Variants in ACLY observed in about 807,000 individuals in gnomAD.
ACLY encodes the protein ATP-citrate synthase.
ACLY carries 41 observed loss-of-function variants against 133.0 expected under a neutral mutation model. That is an observed-to-expected ratio of 0.31 (90% CI 0.24 to 0.40). The LOEUF (loss-of-function observed/expected upper bound fraction) is 0.40. Ranked by LOEUF, ACLY falls within the 10% of genes least tolerant of loss-of-function variation. ACLY has a pLI of 1.00. For synonymous variants in ACLY, 495 were observed against 549.3 expected (o/e 0.90, Z 1.38); for missense variants, 1,046 against 1,453.8 (o/e 0.72, Z 4.56).
At chr17:41,924,226 C>T (rs1555635762) in intron 1 of ACLY, among the ~76,000 whole-genome samples, 1 of 151,988 alleles carries the variant, frequency 6.6e-6, no homozygotes, top group Non-Finnish European at 1.5e-5. Context: ...CTCACTGCAA[C>T]CTCCGCCTCC....
intron 14 of ACLY, 79 bp downstream of exon 14, chr17:41,896,541 G>A: frequency 1.5e-6 from 2 of 1,336,102 alleles, no homozygotes; most frequent in South Asian, 2.8e-5. Flanking sequence ...CCAGGGGAGG[G>A]GGAAACAGAG....
chr17:41,875,731 C>T (rs377290013), intron 22 of ACLY, among the ~76,000 whole-genome samples: 9 of 152,212 alleles, frequency 5.9e-5, no homozygotes, highest in South Asian at 2.1e-4. Context: ...GACGGAGTCT[C>T]GTTCACTCAG....
chr17:41,902,516 G>A (rs1375554269), intron 10 of ACLY, among the ~76,000 whole-genome samples: 1 of 152,164 alleles, frequency 6.6e-6, no homozygotes, highest in Admixed American at 6.5e-5. Flanking sequence ...GCCCAGCGCG[G>A]TGTAAGAACA....
chr17:41,921,490 A>C (rs1358216310), upstream of ACLY, among the ~76,000 whole-genome samples: 20 of 150,136 alleles, frequency 1.3e-4, no homozygotes, highest in South Asian at 6.3e-4. Context: ...AAAAAAAAAA[A>C]AAAAACAAAA....
chr17:41,912,305 TC>T, intron 3 of ACLY, 114 bp downstream of exon 3: 1 of 1,431,268 alleles, frequency 7.0e-7, no homozygotes, highest in Non-Finnish European at 9.5e-7. Context: ...ACTCCTGCCT[TC>T]CCTGAGCTAC....
upstream of ACLY, among the ~76,000 whole-genome samples, chr17:41,923,804 TTTTGTTTG>T (rs1349269180): frequency 6.6e-6 from 1 of 152,042 alleles, no homozygotes; most frequent in Non-Finnish European, 1.5e-5. Context: ...TCTACTATTT[TTTTGTTTG>T]TTTGTTTGTT....
chr17:41,892,262 A>C lies in ACLY; in HGVS notation c.1770+17T>G. 2.7e-6 allele frequency: 1 copy of C among 374,464 alleles called. No homozygotes were observed. The highest frequency in any genetic ancestry group is 4.7e-5 in the Admixed American group (1 of 21,138). 23.2% of individuals were successfully genotyped at this position (374,464 alleles called of 1,614,324 possible). On this transcript the variant is annotated intron_variant, in intron 16 of 28. Coordinates refer to ENST00000352035, the MANE Select transcript of ACLY (RefSeq NM_001096.3). The stretch of plus-strand genomic sequence containing the variant: ...TCATGGTCCCCACCCCCCACCCTCC[A>C]GAGCCCAGTGATCTACCTGGGCATA...
intron 14 of ACLY, among the ~76,000 whole-genome samples, chr17:41,893,748 C>T (rs2049281910): frequency 6.6e-6 from 1 of 152,204 alleles, no homozygotes; most frequent in Admixed American, 6.5e-5. Flanking sequence ...AGCCTTATCG[C>T]TAACTGTGGT....
intron 25 of ACLY, 73 bp downstream of exon 25, chr17:41,871,616 A>G: frequency 6.3e-7 from 1 of 1,586,842 alleles, no homozygotes; most frequent in Non-Finnish European, 8.6e-7. Context: ...TGGCCTCCCA[A>G]AGTGCTGTGA....
chr17:41,901,780 G>A lies in ACLY; in HGVS notation c.1099C>T (p.Pro367Ser). ...IVRAIRDYQG[P>S]LKEHEVTIFV... ...ATTGTGACTTCGTGCTCCTTCAGGG[G>A]GCCCTGGTAATCTCGAATTGCTCTC... is the stretch of plus-strand genomic sequence containing the variant. The change falls in exon 11 of 29, where the codon CCC becomes TCC. Residue 367 changes from proline (P) to serine (S), a missense_variant. By Grantham distance (74) the Pro-to-Ser change is moderately conservative. Coordinates refer to ENST00000352035, the MANE Select transcript of ACLY (RefSeq NM_001096.3). The A allele has an allele frequency of 6.3e-7, 1 of 1,596,136 alleles. No individual in the cohort carries two copies. The highest frequency in any genetic ancestry group is 1.3e-5 in the African/African-American group (1 of 74,290).
intron 22 of ACLY, among the ~76,000 whole-genome samples, chr17:41,876,081 G>T (rs530855667): frequency 8.3e-6 from 1 of 120,930 alleles, no homozygotes; most frequent in Admixed American, 7.6e-5. Flanking sequence ...GTGGGGATGA[G>T]GAGATCCTCT....
chr17:41,912,661 C>A, intron 2 of ACLY, 119 bp from the exon 3 acceptor site: 1 of 1,261,188 alleles, frequency 7.9e-7, no homozygotes, highest in Non-Finnish European at 1.1e-6. Flanking sequence ...CCAAAGCCAG[C>A]CCTAACCATC....
In ACLY at chr17:41,913,703, G is replaced by A; in HGVS notation, c.159+12C>T. On this transcript the variant is annotated intron_variant, in intron 2 of 28. Transcript: ENST00000352035. Reference sequence around the variant, plus strand: ...GCCTGGAAGAAAGGCCCAAAGTGGAGGCAGGGCTCACCTGGCTGAGCAGCC... The same window carrying A: ...GCCTGGAAGAAAGGCCCAAAGTGGAAGCAGGGCTCACCTGGCTGAGCAGCC... 1 of 1,613,094 alleles carries A rather than the reference G, an allele frequency of 6.2e-7. No homozygotes were observed. The highest frequency in any genetic ancestry group is 8.5e-7 in the Non-Finnish European group (1 of 1,179,608).
chr17:41,873,861 C>T lies in ACLY; in HGVS notation c.2592G>A (p.Lys864=). 6.2e-7 allele frequency: 1 copy of T among 1,605,468 alleles called. No individual in the cohort carries two copies. Among genetic ancestry groups the T allele is most frequent in the Non-Finnish European group, 8.5e-7 (1 of 1,173,704 alleles). The part of the protein sequence containing the change: ...YAGMPITEVF[K]EEMGIGGVLG... ...GGACCCCGCCAATGCCCATCTCTTCCTTGAAGACCTCAGTGATGGGCATGC... is the reference window on the plus strand; with the variant it reads ...GGACCCCGCCAATGCCCATCTCTTCTTTGAAGACCTCAGTGATGGGCATGC... Residue 864 remains lysine (K), a synonymous_variant, in exon 23 of 29, where the codon AAG becomes AAA. Coordinates refer to ENST00000352035, the MANE Select transcript of ACLY (RefSeq NM_001096.3).
intron 10 of ACLY, among the ~76,000 whole-genome samples, chr17:41,902,179 T>C (rs1206607339): frequency 6.6e-6 from 1 of 152,192 alleles, no homozygotes; most frequent in African/African-American, 2.4e-5. Context: ...TAAGACATAG[T>C]CAATGTCCTA....
intron 25 of ACLY, among the ~76,000 whole-genome samples, chr17:41,871,398 A>G (rs7209507): frequency 0.91 from 135,951 of 150,210 alleles, 61,623 homozygotes; most frequent in East Asian, 1. Flanking sequence ...TGTTGCCCAG[A>G]CTGGAGTGCC....
At chr17:41,893,195 G>A in intron 14 of ACLY, 21 bp from the exon 15 acceptor site, 4 of 1,607,456 alleles carry the variant, frequency 2.5e-6, no homozygotes, top group South Asian at 2.2e-5. Context: ...AAGACACAGA[G>A]AGTGCACCCA....
intron 6 of ACLY, among the ~76,000 whole-genome samples, chr17:41,908,514 AG>A (rs2049794335): frequency 6.6e-6 from 1 of 152,314 alleles, no homozygotes; most frequent in East Asian, 1.9e-4. Flanking sequence ...CTGTAATCTC[AG>A]CACTTTGAGA....
rs782322353 is a variant in ACLY, at chr17:41,872,068, G to T, written c.2757C>A (p.Asp919Glu). ...GCCCCGAGGTGAGGCTGGAGACCAGGTCTTTCCCAGCTCGCGCACAAATGA... is the reference window on the plus strand; with the variant it reads ...GCCCCGAGGTGAGGCTGGAGACCAGTTCTTTCCCAGCTCGCGCACAAATGA... Reference protein sequence around the residue: ...NTIICARAGKDLVSSLTSGLL... With the variant: ...NTIICARAGKELVSSLTSGLL... The change falls in exon 24 of 29, where the codon GAC (aspartate) becomes GAA (glutamate). Residue 919 changes from aspartate (D) to glutamate (E), a missense_variant. Asp to Glu is a conservative substitution (Grantham distance 45). This residue lies in a region of ACLY where 205 missense variants were observed against 373.3 expected (regional missense o/e 0.55). Coordinates refer to ENST00000352035, the MANE Select transcript of ACLY (RefSeq NM_001096.3). The T allele has an allele frequency of 6.2e-7, 1 of 1,614,026 alleles. No individual in the cohort carries two copies. Among genetic ancestry groups the T allele is most frequent in the East Asian group, 2.2e-5 (1 of 44,874 alleles).
Sources: allele counts gnomAD v4.1 joint callset (sites outside exome capture counted in the v4.1 genomes callset), GRCh38; gene constraint gnomAD v4.1.1; regional missense constraint gnomAD v4.1.1; transcripts MANE v1.5; gene names NCBI Gene and HGNC (gene_info 2026-07-23, HGNC 2026-07-21).